The following TLN2 variants were observed in gnomAD, a reference collection of about 807,000 sequenced individuals.
TLN2 encodes the protein talin-2.
In TLN2, 118 loss-of-function variants were observed where a neutral mutation model predicts 294.7. That is an observed-to-expected ratio of 0.40 (90% CI 0.34 to 0.47). The LOEUF (loss-of-function observed/expected upper bound fraction) is 0.47. TLN2 is among the 20% of genes least tolerant of loss of function. The pLI, the probability that TLN2 is intolerant of heterozygous loss-of-function variation, is 0.84. For synonymous variants in TLN2, 1,431 were observed against 1,304.5 expected (o/e 1.10, Z -2.09); for missense variants, 3,083 against 3,282.2 (o/e 0.94, Z 1.48).
chr15:62,623,699 C>A (rs1217829446), intron 3 of TLN2, among the ~76,000 whole-genome samples: 1 of 152,176 alleles, frequency 6.6e-6, no homozygotes, highest in Non-Finnish European at 1.5e-5. Flanking sequence ...TGTTTCTTGG[C>A]AAGTTGACCA....
chr15:62,802,061 C>A (rs889144219), intron 50 of TLN2, among the ~76,000 whole-genome samples: 1 of 152,096 alleles, frequency 6.6e-6, no homozygotes, highest in Non-Finnish European at 1.5e-5. Flanking sequence ...TTCATTCTTT[C>A]TACTTTTTGT....
intron 48 of TLN2, among the ~76,000 whole-genome samples, chr15:62,799,661 G>A (rs2065787599): frequency 6.6e-6 from 1 of 152,226 alleles, no homozygotes; most frequent in Non-Finnish European, 1.5e-5. Context: ...AGTTGAGGGA[G>A]AAGACAGATG....
At chr15:62,689,268 A>C (rs1012656164) in intron 12 of TLN2, among the ~76,000 whole-genome samples, 1 of 151,978 alleles carries the variant, frequency 6.6e-6, no homozygotes, top group Admixed American at 6.6e-5. Flanking sequence ...CCTTACTTCC[A>C]TTTAGGTCTT....
rs10634187 is a variant in TLN2, at chr15:62,664,857, C to CAAA, written c.788+6978_788+6980dup. ...CTGGGCAACAAGAGGGAAACTGTCT[C>CAAA]AAAAAAAAAAAAAAAAAAAAAGTGG... On this transcript the variant is annotated intron_variant, in intron 9 of 58. Transcript: ENST00000636159. 5.8e-4 allele frequency among the ~76,000 whole-genome samples: 17 copies of CAAA among 29,234 alleles called. 1 individual carries two copies. The highest frequency in any genetic ancestry group is 1.9e-3 in the Admixed American group (3 of 1,588). 19.2% of individuals were successfully genotyped at this position (29,234 alleles called of 152,430 possible).
chr15:62,403,539 C>T (rs1272405114), intron 1 of TLN2, among the ~76,000 whole-genome samples: 1 of 152,196 alleles, frequency 6.6e-6, no homozygotes, highest in African/African-American at 2.4e-5. Flanking sequence ...CTCCCAGAAC[C>T]ACACTTATTA....
chr15:62,542,931 G>A (rs1327962572), intron 1 of TLN2, among the ~76,000 whole-genome samples: 3 of 152,144 alleles, frequency 2.0e-5, no homozygotes, highest in Non-Finnish European at 4.4e-5. Flanking sequence ...CAAGTCATGT[G>A]TTTGCCTTAA....
intron 11 of TLN2, among the ~76,000 whole-genome samples, chr15:62,677,739 AT>A (rs5813159): frequency 0.048 from 4,797 of 99,460 alleles, 254 homozygotes; most frequent in African/African-American, 0.15. Flanking sequence ...CTTTCTCTTT[AT>A]TTTTTTTTAA....
At chr15:62,786,462 A>G (rs1355827975) in intron 45 of TLN2, among the ~76,000 whole-genome samples, 2 of 152,202 alleles carry the variant, frequency 1.3e-5, no homozygotes, top group African/African-American at 4.8e-5. Context: ...TTCTTTGGAA[A>G]AGTTAAAAGC....
Position 62,429,397 on chromosome 15 carries a change from T to C in TLN2, c.-238+38712T>C, listed in dbSNP as rs17238523. ...AGACTTATCGTTTATGAAAAGCACA[T>C]GTGTTAAGATCGTGTCTAGCCAACT... On this transcript the variant is annotated intron_variant, in intron 1 of 58. Coordinates refer to ENST00000636159, the MANE Select transcript of TLN2 (RefSeq NM_015059.3). Among the ~76,000 whole-genome samples, 1,470 of 152,200 alleles carry C rather than the reference T, an allele frequency of 9.7e-3. 61 individuals are homozygous for C. The highest frequency in any genetic ancestry group is 0.067 in the Admixed American group (1,031 of 15,288).
chr15:62,559,648 T>C (rs1339410771), intron 1 of TLN2, among the ~76,000 whole-genome samples: 1 of 152,202 alleles, frequency 6.6e-6, no homozygotes, highest in Non-Finnish European at 1.5e-5. Context: ...GAGTGCTTAT[T>C]TTAGGCAAGG....
rs73437619 is a variant in TLN2, at chr15:62,734,848, A to G, written c.3359-2030A>G. Among the ~76,000 whole-genome samples, 1,448 of 152,206 alleles carry G rather than the reference A, an allele frequency of 9.5e-3. 27 individuals are homozygous for G. The highest frequency in any genetic ancestry group is 0.033 in the African/African-American group (1,361 of 41,512). ...ATGGATCTGAGGCCTTTCACACTCTATTGTATCTCAGAGCCTCACCCTCAG... is the reference window on the plus strand; with the variant it reads ...ATGGATCTGAGGCCTTTCACACTCTGTTGTATCTCAGAGCCTCACCCTCAG... On this transcript the variant is annotated intron_variant, in intron 28 of 58. Coordinates refer to ENST00000636159, the MANE Select transcript of TLN2 (RefSeq NM_015059.3).
chr15:62,803,754 A>G lies in TLN2; in HGVS notation c.6478-1846A>G, dbSNP rs115931851. ...AGTTTCCTCAGCACAGCTCTTTTGA[A>G]TTCTTTGTCTGAAAGGTCACATATC... is the stretch of plus-strand genomic sequence containing the variant. On this transcript the variant is annotated intron_variant, in intron 50 of 58. Transcript: ENST00000636159. 5.9e-3 allele frequency among the ~76,000 whole-genome samples: 898 copies of G among 152,270 alleles called. 11 individuals carry two copies. The highest frequency in any genetic ancestry group is 0.02 in the African/African-American group (817 of 41,546).
At chr15:62,491,712 C>T (rs990635048) in intron 1 of TLN2, among the ~76,000 whole-genome samples, 1 of 152,138 alleles carries the variant, frequency 6.6e-6, no homozygotes, top group Admixed American at 6.6e-5. Flanking sequence ...CTTGACTTTT[C>T]CCTTTGACTT....
At chr15:62,446,052 G>T (rs2035806017) in intron 1 of TLN2, among the ~76,000 whole-genome samples, 1 of 151,456 alleles carries the variant, frequency 6.6e-6, no homozygotes, top group South Asian at 2.1e-4. Flanking sequence ...TGTCGCCCGG[G>T]CTGGAGTGCA....
At chr15:62,835,685 G>A (rs1254984907) in intron 55 of TLN2, 52 bp from the exon 56 acceptor site, 33 of 1,602,116 alleles carry the variant, frequency 2.1e-5, no homozygotes, top group Non-Finnish European at 2.7e-5. Context: ...GAGGGGCTGC[G>A]ACCACTGGGG....
chr15:62,822,816 A>C (rs560314428), intron 54 of TLN2, among the ~76,000 whole-genome samples: 3 of 152,384 alleles, frequency 2.0e-5, no homozygotes, highest in Non-Finnish European at 4.4e-5. Flanking sequence ...TTATGTACTT[A>C]TTATGATTAC....
At chr15:62,742,007 C>CT (rs11391722) in intron 32 of TLN2, among the ~76,000 whole-genome samples, 143,047 of 145,858 alleles carry the variant, frequency 0.98, 70,225 homozygotes, top group Middle Eastern at 1. Flanking sequence ...TCCTTCCTCC[C>CT]TCTTGGCTTG....
chr15:62,640,416 C>T (rs2050909209), intron 3 of TLN2: 2 of 452,060 alleles, frequency 4.4e-6, no homozygotes, highest in Middle Eastern at 5.5e-4. Context: ...TTGTAGACCT[C>T]CACGGCCCCA....
At chr15:62,538,410 G>A (rs2041486455) in intron 1 of TLN2, among the ~76,000 whole-genome samples, 1 of 152,104 alleles carries the variant, frequency 6.6e-6, no homozygotes, top group South Asian at 2.1e-4. Flanking sequence ...TCAATACTTT[G>A]CATTGAATGC....
Sources: gnomAD v4.1 joint callset for allele counts (sites outside exome capture counted in the v4.1 genomes callset) on GRCh38, gnomAD v4.1.1 for gene constraint, MANE v1.5 for transcripts, NCBI Gene and HGNC (gene_info 2026-07-23, HGNC 2026-07-21) for gene names.